Variants in PCDH9 observed in about 807,000 individuals in gnomAD.
PCDH9 encodes protocadherin-9.
In PCDH9, 24 loss-of-function variants were observed where a neutral mutation model predicts 70.6. That is an observed-to-expected ratio of 0.34 (90% CI 0.25 to 0.48). PCDH9 has a LOEUF of 0.48. Ranked by LOEUF, PCDH9 falls within the 20% of genes least tolerant of loss-of-function variation. PCDH9 has a pLI of 0.99. For synonymous variants in PCDH9, 562 were observed against 558.5 expected (o/e 1.01, Z -0.09); for missense variants, 1,281 against 1,503.6 (o/e 0.85, Z 2.45).
chr13:66,525,473 T>C (rs1490065121), intron 4 of PCDH9, among the ~76,000 whole-genome samples: 2 of 152,150 alleles, frequency 1.3e-5, no homozygotes, highest in African/African-American at 4.8e-5. Flanking sequence ...CAATGTTTTC[T>C]TCTTTTCTGG....
At chr13:66,702,915 G>C (rs1566515813) in intron 3 of PCDH9, among the ~76,000 whole-genome samples, 3 of 152,224 alleles carry the variant, frequency 2.0e-5, no homozygotes, top group South Asian at 2.1e-4. Flanking sequence ...TAATGAAAGA[G>C]ACTTCTAGTG....
intron 4 of PCDH9, among the ~76,000 whole-genome samples, chr13:66,336,958 G>A (rs1956047649): frequency 6.6e-6 from 1 of 151,912 alleles, no homozygotes; most frequent in African/African-American, 2.4e-5. Flanking sequence ...ATTCTCTTTT[G>A]CAGTTATAGA....
intron 2 of PCDH9, among the ~76,000 whole-genome samples, chr13:66,974,937 T>C (rs548193841): frequency 1.3e-5 from 2 of 152,078 alleles, no homozygotes; most frequent in Non-Finnish European, 2.9e-5. Context: ...TTTAACCACA[T>C]AGTAGTTAAA....
intron 4 of PCDH9, among the ~76,000 whole-genome samples, chr13:66,603,721 CCAAATAGTTTCTTTA>C (rs2138851401): frequency 6.6e-6 from 1 of 151,906 alleles, no homozygotes; most frequent in South Asian, 2.1e-4. Flanking sequence ...ATCTGGTGCC[CCAAATAGTTTCTTTA>C]CAATTATTTG....
At chr13:67,032,234 C>T (rs2084921959) in intron 2 of PCDH9, among the ~76,000 whole-genome samples, 1 of 152,184 alleles carries the variant, frequency 6.6e-6, no homozygotes, top group South Asian at 2.1e-4. Flanking sequence ...GCCTACACTT[C>T]CCGGGCTCAA....
chr13:66,849,277 T>C (rs1322636936), intron 3 of PCDH9, among the ~76,000 whole-genome samples: 1 of 151,970 alleles, frequency 6.6e-6, no homozygotes, highest in Non-Finnish European at 1.5e-5. Context: ...AATTTGGCAA[T>C]GCATGTGGTT....
chr13:66,518,580 G>A (rs1181318991), intron 4 of PCDH9, among the ~76,000 whole-genome samples: 1 of 151,998 alleles, frequency 6.6e-6, no homozygotes, highest in African/African-American at 2.4e-5. Context: ...GATAAGCAAG[G>A]ATTAAAAGGA....
chr13:66,675,823 A>G (rs2078235186), intron 3 of PCDH9, among the ~76,000 whole-genome samples: 1 of 152,154 alleles, frequency 6.6e-6, no homozygotes, highest in South Asian at 2.1e-4. Flanking sequence ...TCTGTTGACA[A>G]GAAATCTTGC....
At chr13:66,337,395 CA>C (rs1046959593) in intron 4 of PCDH9, among the ~76,000 whole-genome samples, 1 of 151,982 alleles carries the variant, frequency 6.6e-6, no homozygotes, top group Non-Finnish European at 1.5e-5. Flanking sequence ...GTGATTCACC[CA>C]AAAGACCTAA....
chr13:66,945,112 T>C (rs188892552), intron 2 of PCDH9, among the ~76,000 whole-genome samples: 1 of 152,102 alleles, frequency 6.6e-6, no homozygotes, highest in East Asian at 1.9e-4. Context: ...GAAATTTACA[T>C]TTATAAGGGA....
intron 2 of PCDH9, chr13:67,202,230 TG>T (rs1447355641): frequency 1.3e-5 from 2 of 151,988 alleles, no homozygotes; most frequent in Admixed American, 1.3e-4. Flanking sequence ...ATTGAAAAAA[TG>T]TACTTTGCAC....
At chr13:66,900,751 G>A (rs568756466) in intron 3 of PCDH9, among the ~76,000 whole-genome samples, 5 of 151,650 alleles carry the variant, frequency 3.3e-5, no homozygotes, top group East Asian at 3.9e-4. Flanking sequence ...CATTGACACC[G>A]AACATGACTC....
At chr13:66,912,294 C>G (rs1014995865) in intron 2 of PCDH9, among the ~76,000 whole-genome samples, 5 of 152,100 alleles carry the variant, frequency 3.3e-5, no homozygotes, top group African/African-American at 1.2e-4. Context: ...ACAAGTCAAG[C>G]CCTTTTCTAA....
intron 2 of PCDH9, among the ~76,000 whole-genome samples, chr13:66,945,858 G>T (rs1442355549): frequency 6.6e-6 from 1 of 152,136 alleles, no homozygotes; most frequent in Non-Finnish European, 1.5e-5. Flanking sequence ...TCATGGGTAT[G>T]TGTCTTAGGA....
At chr13:66,706,026 T>C (rs1371436184) in intron 3 of PCDH9, among the ~76,000 whole-genome samples, 1 of 152,154 alleles carries the variant, frequency 6.6e-6, no homozygotes, top group Non-Finnish European at 1.5e-5. Flanking sequence ...TGCGGGAGTA[T>C]AGAAAGCACA....
At chr13:67,013,424 A>G (rs543584055) in intron 2 of PCDH9, among the ~76,000 whole-genome samples, 3 of 151,956 alleles carry the variant, frequency 2.0e-5, no homozygotes, top group Admixed American at 6.6e-5. Flanking sequence ...TCATGATTTC[A>G]TCTTCTGGAT....
chr13:66,306,389 C>G (rs1476403199), intron 4 of PCDH9: 1 of 149,838 alleles, frequency 6.7e-6, no homozygotes, highest in Admixed American at 6.7e-5. Flanking sequence ...GACAGCAAAC[C>G]ACAGGCAACA....
intron 4 of PCDH9, among the ~76,000 whole-genome samples, chr13:66,496,478 G>C (rs17081367): frequency 0.096 from 14,652 of 152,138 alleles, 866 homozygotes; most frequent in Middle Eastern, 0.13. Context: ...CCTAGTACAA[G>C]TTATTACTTC....
chr13:67,071,127 C>G (rs968028079), intron 2 of PCDH9, among the ~76,000 whole-genome samples: 1 of 152,094 alleles, frequency 6.6e-6, no homozygotes, highest in East Asian at 1.9e-4. Flanking sequence ...TCCCTCAACC[C>G]CCAGTCGTAA....
Sources: allele counts gnomAD v4.1 joint callset (sites outside exome capture counted in the v4.1 genomes callset), GRCh38; gene constraint gnomAD v4.1.1; transcripts MANE v1.5; gene names NCBI Gene and HGNC (gene_info 2026-07-23, HGNC 2026-07-21).